The following AGTPBP1 variants were observed in gnomAD, a reference collection of about 807,000 sequenced individuals.
AGTPBP1 encodes ATP/GTP binding carboxypeptidase 1, also known as cytosolic carboxypeptidase 1.
Under a neutral mutation model 143.9 loss-of-function variants are expected in AGTPBP1, and 70 were observed. The ratio of observed to expected loss-of-function variants is 0.49; its 90% CI spans 0.40 to 0.59. AGTPBP1 has a LOEUF of 0.59. AGTPBP1 is among the 20% of genes least tolerant of loss of function. The pLI, the probability that AGTPBP1 is intolerant of heterozygous loss-of-function variation, is 0.00. For synonymous variants in AGTPBP1, 463 were observed against 500.2 expected (o/e 0.93, Z 0.99); for missense variants, 1,229 against 1,464.5 (o/e 0.84, Z 2.62).
At chr9:85,615,087 T>G (rs1257032121) in intron 17 of AGTPBP1, among the ~76,000 whole-genome samples, 2 of 152,190 alleles carry the variant, frequency 1.3e-5, no homozygotes, top group African/African-American at 4.8e-5. Flanking sequence ...GGAGAACGAA[T>G]GAATTTAGTT....
At chr9:85,599,110 AACACACACACACACACACACACACACAC>A (rs57074552) in intron 17 of AGTPBP1, among the ~76,000 whole-genome samples, 2 of 135,430 alleles carry the variant, frequency 1.5e-5, no homozygotes, top group Non-Finnish European at 3.2e-5. Context: ...CTTGTCACTG[AACACACACACACACACACACACACACAC>A]ACACACACAC....
intron 9 of AGTPBP1, among the ~76,000 whole-genome samples, chr9:85,659,072 T>C (rs933460096): frequency 6.6e-6 from 1 of 152,160 alleles, no homozygotes; most frequent in African/African-American, 2.4e-5. Flanking sequence ...ATAGCCTAAA[T>C]GGAATTTATG....
At chr9:85,673,849 G>A (rs781478772) in intron 6 of AGTPBP1, among the ~76,000 whole-genome samples, 31 of 152,072 alleles carry the variant, frequency 2.0e-4, no homozygotes, top group Non-Finnish European at 4.1e-4. Context: ...GGCAGGGCGC[G>A]GTGGCTCACG....
intron 11 of AGTPBP1, among the ~76,000 whole-genome samples, chr9:85,654,461 A>C (rs1434468961): frequency 6.6e-6 from 1 of 152,134 alleles, no homozygotes; most frequent in Non-Finnish European, 1.5e-5. Flanking sequence ...TTTTAACTTA[A>C]GAAAAAAAAT....
intron 25 of AGTPBP1, among the ~76,000 whole-genome samples, chr9:85,554,809 T>C (rs1826235031): frequency 6.6e-6 from 1 of 152,188 alleles, no homozygotes; most frequent in African/African-American, 2.4e-5. Context: ...GAACTTTAAG[T>C]AATAATTGTA....
At position 85,737,271 on chromosome 9, in the gene AGTPBP1, A is replaced by ATTACAAT. The variant is rs1823863077; in HGVS notation, c.-34+4503_-34+4504insATTGTAA. Among the ~76,000 whole-genome samples the ATTACAAT allele has an allele frequency of 2.0e-5, 3 of 152,190 alleles. No homozygotes were observed. In the South Asian group the frequency reaches 6.2e-4, roughly 31 times the overall value. On this transcript the variant is annotated intron_variant, in intron 1 of 25. Coordinates refer to ENST00000357081, the MANE Select transcript of AGTPBP1 (RefSeq NM_001330701.2). Reference sequence around the variant, plus strand: ...ATTACAATAGTTGATGGCTGTCTCAAAGTAAAGTGCTTCTGTAACTGAATT... The same window carrying ATTACAAT: ...ATTACAATAGTTGATGGCTGTCTCAATTACAATAGTAAAGTGCTTCTGTAACTGAATT...
At chr9:85,642,308 G>T (rs904822341) in intron 13 of AGTPBP1, among the ~76,000 whole-genome samples, 1 of 151,686 alleles carries the variant, frequency 6.6e-6, no homozygotes, top group African/African-American at 2.4e-5. Context: ...AGACTAAAGT[G>T]ACAAAAAATG....
intron 25 of AGTPBP1, among the ~76,000 whole-genome samples, chr9:85,572,864 AG>A (rs941433253): frequency 4.6e-5 from 7 of 152,170 alleles, no homozygotes; most frequent in Admixed American, 4.6e-4. Flanking sequence ...TGAGGAATGG[AG>A]TTCCAAGTAA....
chr9:85,728,007 G>A (rs1046422984), intron 1 of AGTPBP1, among the ~76,000 whole-genome samples: 8 of 148,454 alleles, frequency 5.4e-5, no homozygotes, highest in East Asian at 2.0e-4. Context: ...AAGCAAGACC[G>A]TGTCTCAAAA....
chr9:85,713,277 T>C (rs1256198511), intron 1 of AGTPBP1, among the ~76,000 whole-genome samples: 1 of 152,234 alleles, frequency 6.6e-6, no homozygotes, highest in African/African-American at 2.4e-5. Flanking sequence ...ATGCCTGTTA[T>C]CCCAGCACTT....
intron 2 of AGTPBP1, among the ~76,000 whole-genome samples, chr9:85,707,247 T>C (rs1337154991): frequency 6.6e-6 from 1 of 152,122 alleles, no homozygotes; most frequent in Non-Finnish European, 1.5e-5. Flanking sequence ...AAATAGTATT[T>C]AGGGGGAAAT....
At chr9:85,756,110 G>A in the AGTPBP1 span, 27 of 1,588,358 alleles carry the variant, frequency 1.7e-5, no homozygotes, top group African/African-American at 2.7e-5. Flanking sequence ...AGATGAAGAA[G>A]TAGAGAAAGT....
chr9:85,580,756 C>T (rs890876089), intron 23 of AGTPBP1, among the ~76,000 whole-genome samples: 1 of 151,968 alleles, frequency 6.6e-6, no homozygotes, highest in South Asian at 2.1e-4. Context: ...ACAGAGACTA[C>T]TAAGTAAATA....
chr9:85,677,047 C>T (rs536392222), intron 6 of AGTPBP1, among the ~76,000 whole-genome samples: 3 of 151,866 alleles, frequency 2.0e-5, no homozygotes, highest in Admixed American at 1.3e-4. Flanking sequence ...TAATGGAGAG[C>T]GGGAGATAAG....
Position 85,672,675 on chromosome 9 carries a change from T to G in AGTPBP1, c.443A>C (p.Lys148Thr), listed in dbSNP as rs1199558625. 2 of 1,588,696 alleles carry G rather than the reference T, an allele frequency of 1.3e-6. No homozygotes were observed. Among genetic ancestry groups the G allele is most frequent in the East Asian group, 2.2e-5 (1 of 44,746 alleles). The stretch of plus-strand genomic sequence containing the variant: ...ATTAATTCTAGCCTTTACTCCAAAT[T>G]TTTTATCTGTTTAAAAAAAAAAAAG... ...ILAKIGPKDK[K>T]FGVKARINGA... The change falls in exon 7 of 26, where the codon AAA becomes ACA. Residue 148 changes from lysine (K) to threonine (T), a missense_variant. Around this residue, in one of 2 missense-constraint regions of AGTPBP1, gnomAD observed 743 missense variants for 812.2 expected, o/e 0.91. Transcript: ENST00000357081.
chr9:85,763,839 C>A, the AGTPBP1 span, among the ~76,000 whole-genome samples: 1 of 152,050 alleles, frequency 6.6e-6, no homozygotes, highest in Non-Finnish European at 1.5e-5. Context: ...AAATTATAAA[C>A]CTTATGATAG....
At chr9:85,673,603 TAAG>T (rs892030869) in intron 6 of AGTPBP1, among the ~76,000 whole-genome samples, 12 of 152,174 alleles carry the variant, frequency 7.9e-5, no homozygotes, top group African/African-American at 2.9e-4. Context: ...AAATTTTAAA[TAAG>T]AAGAACTTAA....
At chr9:85,555,933 A>T (rs1826311520) in intron 25 of AGTPBP1, among the ~76,000 whole-genome samples, 1 of 152,210 alleles carries the variant, frequency 6.6e-6, no homozygotes, top group African/African-American at 2.4e-5. Context: ...ATGTGTAATT[A>T]GATTTAAAAT....
the AGTPBP1 span, among the ~76,000 whole-genome samples, chr9:85,792,925 T>G: frequency 1.3e-5 from 2 of 152,212 alleles, no homozygotes; most frequent in East Asian, 3.8e-4. Context: ...AAACAAATCA[T>G]AAGACATCTT....
Sources: allele counts gnomAD v4.1 joint callset (sites outside exome capture counted in the v4.1 genomes callset), GRCh38; gene constraint gnomAD v4.1.1; regional missense constraint gnomAD v4.1.1; transcripts MANE v1.5; gene names NCBI Gene and HGNC (gene_info 2026-07-23, HGNC 2026-07-21).